FGFR1: variants seen among roughly 807,000 people sequenced by gnomAD.
FGFR1 encodes the protein fibroblast growth factor receptor 1.
A neutral mutation model predicts 93.7 loss-of-function variants in FGFR1; 18 were observed. The ratio of observed to expected loss-of-function variants is 0.19; its 90% CI spans 0.13 to 0.28. The LOEUF is 0.28. Among genes scored for constraint, FGFR1 ranks in the 10% least tolerant of loss-of-function variants. FGFR1 has a pLI of 1.00. For synonymous variants in FGFR1, 448 were observed against 429.3 expected (o/e 1.04, Z -0.54); for missense variants, 731 against 1,080.4 (o/e 0.68, Z 4.53).
At chr8:38,465,533 C>T (rs1439619365) in intron 1 of FGFR1, 1 of 229,494 alleles carries the variant, frequency 4.4e-6, no homozygotes, top group Admixed American at 5.7e-5. Flanking sequence ...ACCCTGCACT[C>T]GGAGGGTCGG....
intron 2 of FGFR1, among the ~76,000 whole-genome samples, chr8:38,448,261 T>C (rs1272387711): frequency 6.6e-6 from 1 of 152,002 alleles, no homozygotes; most frequent in African/African-American, 2.4e-5. Flanking sequence ...GAACCCAGAT[T>C]ATCTAACAAA....
At position 38,440,302 on chromosome 8, in the gene FGFR1, T is replaced by C. The variant is rs776735175; in HGVS notation, c.92-10354A>G. 5.0e-6 allele frequency: 8 copies of C among 1,603,984 alleles called. No individual in the cohort carries two copies. In the East Asian group the frequency reaches 1.8e-4, roughly 36 times the overall value. ...TTGGCTTTGAAATGGAACTGAAAAC[T>C]TACCTTCGGCTGGCAGGACCCGGCC... On this transcript the variant is annotated intron_variant, in intron 2 of 17. Coordinates refer to ENST00000447712, the MANE Select transcript of FGFR1 (RefSeq NM_023110.3).
chr8:38,454,186 G>C (rs527471043), intron 2 of FGFR1, among the ~76,000 whole-genome samples: 2 of 151,606 alleles, frequency 1.3e-5, no homozygotes, highest in South Asian at 4.2e-4. Flanking sequence ...TGCCCCAGCA[G>C]CTTCCGTGAA....
At chr8:38,425,938 T>C (rs1009664897) in intron 6 of FGFR1, 184 bp downstream of exon 6, 6 of 743,046 alleles carry the variant, frequency 8.1e-6, no homozygotes, top group Middle Eastern at 3.7e-4. Context: ...TGATCTTAAC[T>C]CTATTTTACA....
chr8:38,465,798 T>C, intron 1 of FGFR1: 1 of 217,596 alleles, frequency 4.6e-6, no homozygotes. Flanking sequence ...AAATGGCCAC[T>C]TTCTGCTAAA....
At chr8:38,437,100 G>C (rs1825719150) in intron 2 of FGFR1, among the ~76,000 whole-genome samples, 1 of 152,118 alleles carries the variant, frequency 6.6e-6, no homozygotes, top group Non-Finnish European at 1.5e-5. Flanking sequence ...GGCTGGTCTT[G>C]AACTCCTGAA....
intron 1 of FGFR1, chr8:38,458,858 G>T: frequency 4.5e-6 from 1 of 221,530 alleles, no homozygotes. Context: ...AAGAGCCTAA[G>T]AGTGTGGAGC....
chr8:38,457,315 C>G, intron 2 of FGFR1, 41 bp downstream of exon 2: 1 of 1,602,684 alleles, frequency 6.2e-7, no homozygotes, highest in Middle Eastern at 2.0e-4. Context: ...ATCCTGTTCC[C>G]AAGGCCCAGG....
intron 2 of FGFR1, among the ~76,000 whole-genome samples, chr8:38,445,318 T>C (rs1185172227): frequency 2.0e-5 from 3 of 152,176 alleles, no homozygotes; most frequent in Non-Finnish European, 4.4e-5. Context: ...TGGCCTGGGG[T>C]GCTTCTCCAG....
intron 2 of FGFR1, among the ~76,000 whole-genome samples, chr8:38,452,200 GACACACACACACACACACACACACACAC>G (rs3051753): frequency 6.5e-5 from 9 of 139,186 alleles, no homozygotes; most frequent in Admixed American, 3.6e-4. Context: ...CAGACACACA[GACACACACACACACACACACACACACAC>G]ACACACACAC....
rs567329984 is a variant in FGFR1 at position 38,454,218 on chromosome 8, C to G, written c.91+3138G>C. Reference sequence around the variant, plus strand: ...TGAAGCCCCCTCCTCTACTAGCACCCCCACCCTGGCCCTAAAGTTCCTTAT... The same window carrying G: ...TGAAGCCCCCTCCTCTACTAGCACCGCCACCCTGGCCCTAAAGTTCCTTAT... On this transcript the variant is annotated intron_variant, in intron 2 of 17. Transcript: ENST00000447712. Among the ~76,000 whole-genome samples the G allele has an allele frequency of 1.2e-3, 184 of 152,042 alleles. 1 individual carries two copies. Among genetic ancestry groups the G allele is most frequent in the Non-Finnish European group, 2.5e-3 (169 of 67,976 alleles).
chr8:38,466,245 G>C (rs908040665), intron 1 of FGFR1: 1 of 232,402 alleles, frequency 4.3e-6, no homozygotes, highest in African/African-American at 2.2e-5. Context: ...CTGCGCACCG[G>C]GCTTGCTCCG....
Position 38,424,417 on chromosome 8 carries a change from GGGC to G in FGFR1, c.936+89_936+91del. 7.2e-7 allele frequency: 1 copy of G among 1,392,168 alleles called. No individual in the cohort carries two copies. The highest frequency in any genetic ancestry group is 1.0e-6 in the Non-Finnish European group (1 of 980,156). The allele number at this position is 1,392,168 out of a possible 1,614,324, so 86.2% of individuals were successfully genotyped here. A position where few individuals can be genotyped will look rare whatever the true frequency, so the allele number is the denominator to read the frequency against. On this transcript the variant is annotated intron_variant, in intron 7 of 17. Coordinates refer to ENST00000447712, the MANE Select transcript of FGFR1 (RefSeq NM_023110.3). This position sits in a 1 kb window ranked among gnomAD's most constrained non-coding sequence, Gnocchi z 4.3. The stretch of plus-strand genomic sequence containing the variant: ...AAGCGTGAGGAATGATCCCATTCGG[GGGC>G]AACTGAGCCTGCCCACAGGAACTTG...
In FGFR1 at chr8:38,429,806, G is replaced by A. The variant is rs1822261324; in HGVS notation, c.234C>T (p.Arg78=). 6.2e-7 allele frequency: 1 copy of A among 1,613,608 alleles called. No homozygotes were observed. The highest frequency in any genetic ancestry group is 1.3e-5 in the African/African-American group (1 of 75,044). ...RDGVQLAESN[R]TRITGEEVEV... ...CCACCTCCTCCCCTGTGATGCGGGT[G>A]CGGTTGCTTTCCGCCAGCTGCACCC... Residue 78 remains arginine (R), a synonymous_variant, in exon 3 of 18, where the codon CGC becomes CGT. Transcript: ENST00000447712. This position sits in a 1 kb window ranked among gnomAD's most constrained non-coding sequence, Gnocchi z 4.4.
intron 11 of FGFR1, 38 bp downstream of exon 11, chr8:38,417,832 G>A (rs751579894): frequency 1.4e-4 from 228 of 1,614,024 alleles, no homozygotes; most frequent in Non-Finnish European, 1.9e-4. Flanking sequence ...CTTGGAATGG[G>A]ACAAGATTTT....
chr8:38,438,146 C>G (rs1480799609), intron 2 of FGFR1, among the ~76,000 whole-genome samples: 1 of 152,182 alleles, frequency 6.6e-6, no homozygotes, highest in African/African-American at 2.4e-5. Flanking sequence ...GAGGTTGATC[C>G]TACTATGATT....
chr8:38,414,595 G>A lies in FGFR1; in HGVS notation c.2012C>T (p.Ala671Val), dbSNP rs1815634821. Reference sequence around the variant, plus strand: ...GTGGGTGTAGATCCGGTCAAATAATGCCTCGGGTGCCATCCACTTCACAGG... The same window carrying A: ...GTGGGTGTAGATCCGGTCAAATAATACCTCGGGTGCCATCCACTTCACAGG... ...RLPVKWMAPE[A>V]LFDRIYTHQS... is the part of the protein sequence containing the mutation. Residue 671 changes from alanine (A) to valine (V), a missense_variant, in exon 15 of 18, where the codon GCA becomes GTA. Physicochemically the swap from Ala to Val is moderately conservative, Grantham distance 64 (BLOSUM62 0). Transcript: ENST00000447712. 1 of 1,503,964 alleles carries A rather than the reference G, an allele frequency of 6.6e-7. No homozygotes were observed. Among genetic ancestry groups the A allele is most frequent in the Middle Eastern group, 1.7e-4 (1 of 5,730 alleles). 93.2% of individuals were successfully genotyped at this position (1,503,964 alleles called of 1,614,324 possible).
At chr8:38,460,368 C>G (rs1450029124) in intron 1 of FGFR1, among the ~76,000 whole-genome samples, 1 of 152,168 alleles carries the variant, frequency 6.6e-6, no homozygotes, top group East Asian at 1.9e-4. Flanking sequence ...CACCCAGAAA[C>G]GCACACCTGA....
intron 2 of FGFR1, among the ~76,000 whole-genome samples, chr8:38,438,434 T>C (rs907312470): frequency 1.3e-5 from 2 of 150,636 alleles, no homozygotes; most frequent in Non-Finnish European, 2.9e-5. Flanking sequence ...TCCCAGCTAC[T>C]GAGGAGGCTG....
Sources: gnomAD v4.1 joint callset for allele counts (sites outside exome capture counted in the v4.1 genomes callset) on GRCh38, gnomAD v4.1.1 for gene constraint, Gnocchi (gnomAD v3.1) non-coding constraint, MANE v1.5 for transcripts, NCBI Gene and HGNC (gene_info 2026-07-23, HGNC 2026-07-21) for gene names.